SEM1: variants seen among roughly 807,000 people sequenced by gnomAD.
SEM1 encodes the protein SEM1 26S proteasome subunit, also known as 26S proteasome complex subunit SEM1.
Under a neutral mutation model 12.7 loss-of-function variants are expected in SEM1, and 3 were observed. That is an observed-to-expected ratio of 0.24 (90% CI 0.11 to 0.61). The LOEUF is 0.61. SEM1 is among the 20% of genes least tolerant of loss of function. The probability of loss-of-function intolerance (pLI) is 0.88; values close to 1 mark genes in which losing one functional copy is unlikely to be tolerated. For missense variants in SEM1, 59 were observed against 81.3 expected (o/e 0.73, Z 1.06); for synonymous variants, 30 against 27.8 (o/e 1.08, Z -0.25).
At chr7:96,595,080 T>A (rs1806952697) in intron 2 of SEM1, among the ~76,000 whole-genome samples, 1 of 152,148 alleles carries the variant, frequency 6.6e-6, no homozygotes, top group South Asian at 2.1e-4. Flanking sequence ...TCCCCAAATT[T>A]AACAGAATTC....
chr7:96,550,120 A>G (rs1173879497), intron 2 of SEM1, among the ~76,000 whole-genome samples: 1 of 114,922 alleles, frequency 8.7e-6, no homozygotes, highest in Non-Finnish European at 2.0e-5. Flanking sequence ...TCAGCAAGAT[A>G]GTATAGAAAG....
chr7:96,546,638 C>G (rs1805112025), intron 2 of SEM1, among the ~76,000 whole-genome samples: 1 of 152,074 alleles, frequency 6.6e-6, no homozygotes, highest in South Asian at 2.1e-4. Flanking sequence ...TTTCAGGGCT[C>G]CATTAGCCAA....
intron 2 of SEM1, among the ~76,000 whole-genome samples, chr7:96,681,116 T>C (rs910560629): frequency 2.0e-5 from 3 of 152,118 alleles, no homozygotes; most frequent in Non-Finnish European, 2.9e-5. Flanking sequence ...TTGGGTGATA[T>C]ATCTTTGATT....
intron 2 of SEM1, among the ~76,000 whole-genome samples, chr7:96,658,041 G>A (rs953503022): frequency 7.2e-5 from 11 of 152,224 alleles, no homozygotes; most frequent in South Asian, 2.1e-4. Flanking sequence ...TAAGCATGAC[G>A]CAGCCACCTT....
intron 2 of SEM1, among the ~76,000 whole-genome samples, chr7:96,652,974 A>G (rs539152679): frequency 6.6e-6 from 1 of 152,320 alleles, no homozygotes; most frequent in African/African-American, 2.4e-5. Flanking sequence ...TCTAATAACA[A>G]TAATGGTGGA....
chr7:96,683,477 G>A lies in SEM1; in HGVS notation c.171-9618C>T, dbSNP rs528308905. ...CAACCATTGTGGAAGTCAGTGTGGC[G>A]ATTCCTCAAGGATCTAGAACCAGAA... On this transcript the variant is annotated intron_variant, in intron 2 of 2. Coordinates refer to the SEM1 transcript ENST00000413065. 1.1e-4 allele frequency among the ~76,000 whole-genome samples: 16 copies of A among 152,252 alleles called. No individual in the cohort carries two copies. The South Asian group carries it at 2.9e-3, about 28-fold the overall frequency.
At chr7:96,651,348 T>A (rs1212440724) in intron 2 of SEM1, among the ~76,000 whole-genome samples, 1 of 151,982 alleles carries the variant, frequency 6.6e-6, no homozygotes, top group African/African-American at 2.4e-5. Flanking sequence ...TAAAATAAAT[T>A]AGGAGACAAT....
intron 2 of SEM1, among the ~76,000 whole-genome samples, chr7:96,584,035 G>A (rs879836672): frequency 4.6e-5 from 7 of 151,788 alleles, no homozygotes; most frequent in East Asian, 3.9e-4. Context: ...TATTTTGCTC[G>A]TTAGTTGATG....
At chr7:96,673,603 C>G in exon 3 of SEM1, 1 of 627,306 alleles carries the variant, frequency 1.6e-6, no homozygotes, top group Non-Finnish European at 2.9e-6. Flanking sequence ...CCAGGCTGCT[C>G]TCTTTGCCTG....
chr7:96,585,367 T>C lies in SEM1; in HGVS notation c.171-78669A>G, dbSNP rs527677347. ...GTGCTGGGAGAACCACTGCTCTCTTTAAAGCTGTCAGACAGGGACATTTAA... is the reference window on the plus strand; with the variant it reads ...GTGCTGGGAGAACCACTGCTCTCTTCAAAGCTGTCAGACAGGGACATTTAA... On this transcript the variant is annotated intron_variant and NMD_transcript_variant, in intron 2 of 3. Transcript: ENST00000466986. Among the ~76,000 whole-genome samples, 96 of 152,180 alleles carry C rather than the reference T, an allele frequency of 6.3e-4. 1 individual carries two copies. Among genetic ancestry groups the C allele is most frequent in the African/African-American group, 9.9e-4 (41 of 41,568 alleles).
chr7:96,575,454 A>G (rs1806172559), intron 2 of SEM1, among the ~76,000 whole-genome samples: 2 of 152,220 alleles, frequency 1.3e-5, no homozygotes, highest in African/African-American at 4.8e-5. Flanking sequence ...TCAGGGACCC[A>G]CTTGAGGAGA....
intron 2 of SEM1, among the ~76,000 whole-genome samples, chr7:96,539,011 G>A (rs916385434): frequency 2.0e-5 from 3 of 151,840 alleles, no homozygotes; most frequent in Non-Finnish European, 4.4e-5. Context: ...ACATAAGACT[G>A]TGGTTTCCTT....
chr7:96,541,176 A>G (rs758667994), intron 2 of SEM1, among the ~76,000 whole-genome samples: 2 of 151,904 alleles, frequency 1.3e-5, no homozygotes, highest in African/African-American at 2.4e-5. Context: ...ACTGCTTTCC[A>G]CAGTGGCTGA....
intron 1 of SEM1, among the ~76,000 whole-genome samples, chr7:96,699,579 A>G (rs1037054919): frequency 1.3e-5 from 2 of 152,208 alleles, no homozygotes; most frequent in African/African-American, 4.8e-5. Flanking sequence ...AATACAATAT[A>G]CATACACATT....
chr7:96,506,059 T>C (rs1803745326), intron 3 of SEM1, among the ~76,000 whole-genome samples: 1 of 152,168 alleles, frequency 6.6e-6, no homozygotes, highest in East Asian at 1.9e-4. Flanking sequence ...AGTTTTTATC[T>C]GAATTGACGC....
chr7:96,675,973 G>A (rs1789441507), intron 2 of SEM1, among the ~76,000 whole-genome samples: 3 of 152,156 alleles, frequency 2.0e-5, no homozygotes, highest in African/African-American at 7.2e-5. Flanking sequence ...TTTAGGGTTG[G>A]ATTCTGTTGC....
chr7:96,660,606 TTG>T (rs1788971414), intron 2 of SEM1, among the ~76,000 whole-genome samples: 1 of 152,178 alleles, frequency 6.6e-6, no homozygotes, highest in Non-Finnish European at 1.5e-5. Flanking sequence ...AATTTTAAAA[TTG>T]TCTAGAGATT....
downstream of SEM1, among the ~76,000 whole-genome samples, chr7:96,669,060 T>TGA (rs1789242919): frequency 6.6e-6 from 1 of 152,134 alleles, no homozygotes; most frequent in Non-Finnish European, 1.5e-5. Context: ...TGCTGACACC[T>TGA]TAATTTCAGA....
chr7:96,679,165 G>T (rs1207922817), intron 2 of SEM1, among the ~76,000 whole-genome samples: 2 of 152,042 alleles, frequency 1.3e-5, no homozygotes, highest in Non-Finnish European at 2.9e-5. Context: ...AGAAGTAATT[G>T]TTGAAAGATA....
Sources: allele counts gnomAD v4.1 joint callset (sites outside exome capture counted in the v4.1 genomes callset), GRCh38; gene constraint gnomAD v4.1.1; transcripts MANE v1.5; gene names NCBI Gene and HGNC (gene_info 2026-07-23, HGNC 2026-07-21).